The following RBPJ variants were observed in gnomAD, a reference collection of about 807,000 sequenced individuals.
The protein encoded by RBPJ is recombining binding protein suppressor of hairless.
In RBPJ, 9 loss-of-function variants were observed where a neutral mutation model predicts 67.8. The ratio of observed to expected loss-of-function variants is 0.13; its 90% CI spans 0.08 to 0.23. The LOEUF (loss-of-function observed/expected upper bound fraction) is 0.23. Among genes scored for constraint, RBPJ ranks in the 10% least tolerant of loss-of-function variants. The pLI is 1.00. For synonymous variants in RBPJ, 198 were observed against 203.3 expected (o/e 0.97, Z 0.22); for missense variants, 305 against 595.6 (o/e 0.51, Z 5.08).
chr4:26,382,251 A>G (rs188028266), intron 1 of RBPJ, among the ~76,000 whole-genome samples: 2 of 152,360 alleles, frequency 1.3e-5, no homozygotes, highest in Non-Finnish European at 1.5e-5. Context: ...GAGAGACAGT[A>G]TAATCAGTTA....
At chr4:26,198,160 C>T (rs899114459) in intron 1 of RBPJ, among the ~76,000 whole-genome samples, 7 of 151,876 alleles carry the variant, frequency 4.6e-5, no homozygotes, top group Admixed American at 2.6e-4. Flanking sequence ...AGGCTGAGGC[C>T]GGAGAATTGC....
intron 1 of RBPJ, among the ~76,000 whole-genome samples, chr4:26,175,734 A>G (rs6847390): frequency 0.24 from 36,833 of 152,172 alleles, 5,392 homozygotes; most frequent in African/African-American, 0.41. Flanking sequence ...CACACACCAA[A>G]GGACACTATT....
At chr4:26,355,920 T>A (rs1166590803) in intron 1 of RBPJ, among the ~76,000 whole-genome samples, 2 of 152,224 alleles carry the variant, frequency 1.3e-5, no homozygotes, top group African/African-American at 4.8e-5. Context: ...GGATTTCTTC[T>A]TCCACCTCTC....
chr4:26,421,923 A>G (rs2109809913), intron 5 of RBPJ, among the ~76,000 whole-genome samples: 1 of 152,254 alleles, frequency 6.6e-6, no homozygotes, highest in East Asian at 1.9e-4. Flanking sequence ...TTTGTTTTAC[A>G]GTGGTTTGTT....
chr4:26,212,894 C>T (rs1718479510), intron 1 of RBPJ, among the ~76,000 whole-genome samples: 1 of 152,064 alleles, frequency 6.6e-6, no homozygotes, highest in Non-Finnish European at 1.5e-5. Flanking sequence ...GGTATGGGAG[C>T]TTCTGGACAG....
intron 1 of RBPJ, among the ~76,000 whole-genome samples, chr4:26,277,018 C>T (rs10010137): frequency 5.9e-4 from 89 of 151,812 alleles, no homozygotes; most frequent in African/African-American, 2.1e-3. Context: ...GAATCACGCT[C>T]GCCTATAATC....
At chr4:26,237,823 T>C (rs2109213945) in intron 1 of RBPJ, among the ~76,000 whole-genome samples, 1 of 152,322 alleles carries the variant, frequency 6.6e-6, no homozygotes, top group East Asian at 1.9e-4. Flanking sequence ...ACTTGCAGCT[T>C]GACACTTTGA....
At chr4:26,427,621 C>T (rs1310205263) in intron 7 of RBPJ, among the ~76,000 whole-genome samples, 1 of 152,056 alleles carries the variant, frequency 6.6e-6, no homozygotes. Context: ...CAGAAAAGTG[C>T]CGTGAGATGC....
At position 26,356,731 on chromosome 4, in the gene RBPJ, G is replaced by A. The variant is rs1322775927; in HGVS notation, c.21-29622G>A. Among the ~76,000 whole-genome samples, 3 of 152,140 alleles carry A rather than the reference G, an allele frequency of 2.0e-5. No individual in the cohort carries two copies. In the East Asian group the frequency reaches 5.8e-4, roughly 29 times the overall value. The stretch of plus-strand genomic sequence containing the variant: ...GTTCCCATTTGGTGCCCAACTAGAT[G>A]TTTTTCTCTTTTAGAAACAACACTG... On this transcript the variant is annotated intron_variant, in intron 1 of 10. Transcript: ENST00000355476.
chr4:26,339,972 C>G (rs1343876991), intron 1 of RBPJ, among the ~76,000 whole-genome samples: 1 of 151,032 alleles, frequency 6.6e-6, no homozygotes, highest in Non-Finnish European at 1.5e-5. Context: ...TGAGGTGAGA[C>G]CACGCCATTG....
intron 3 of RBPJ, among the ~76,000 whole-genome samples, chr4:26,410,867 A>G (rs1216871353): frequency 6.6e-6 from 1 of 152,238 alleles, no homozygotes; most frequent in African/African-American, 2.4e-5. Flanking sequence ...AAAGGAGTAA[A>G]ATTTTAAATG....
chr4:26,363,865 A>G (rs1261302468), intron 1 of RBPJ, among the ~76,000 whole-genome samples: 1 of 152,224 alleles, frequency 6.6e-6, no homozygotes, highest in African/African-American at 2.4e-5. Flanking sequence ...TAGTAATTCT[A>G]GTCTTCGTAA....
At chr4:26,163,848 A>G (rs1389803975) in intron 1 of RBPJ, among the ~76,000 whole-genome samples, 2 of 152,238 alleles carry the variant, frequency 1.3e-5, no homozygotes, top group Non-Finnish European at 2.9e-5. Context: ...CCTAGGCTGC[A>G]AAAGATAAGC....
At position 26,430,147 on chromosome 4, in the gene RBPJ, TC is replaced by T; in HGVS notation, c.1044+95del. On this transcript the variant is annotated intron_variant, in intron 9 of 10. Transcript: ENST00000355476. The surrounding 1 kb of genome is among the most constrained non-coding windows in gnomAD (Gnocchi z 4.1). ...TTCATTTCATGGGAGTTTTGATTTT[TC>T]TCCAATCGTCTGATTAGGGGATTTT... 7.2e-7 allele frequency: 1 copy of T among 1,390,436 alleles called. No homozygotes were observed. The highest frequency in any genetic ancestry group is 1.0e-6 in the Non-Finnish European group (1 of 984,022). The allele number at this position is 1,390,436 out of a possible 1,614,324, so 86.1% of individuals were successfully genotyped here.
chr4:26,270,875 C>G (rs1023140704), intron 1 of RBPJ, among the ~76,000 whole-genome samples: 2 of 152,036 alleles, frequency 1.3e-5, no homozygotes, highest in Admixed American at 1.3e-4. Context: ...CGCCTCCCCC[C>G]CACCCTTATC....
At chr4:26,110,128 G>A in the RBPJ span, among the ~76,000 whole-genome samples, 16,262 of 152,162 alleles carry the variant, frequency 0.11, 1,149 homozygotes, top group Non-Finnish European at 0.15. The surrounding 1 kb of genome is among the most constrained non-coding windows in gnomAD (Gnocchi z 4.5). Context: ...TACCCCTACC[G>A]TAGGCAAGGG....
intron 1 of RBPJ, among the ~76,000 whole-genome samples, chr4:26,210,795 CTT>C (rs1256488129): frequency 2.1e-5 from 3 of 140,598 alleles, no homozygotes; most frequent in South Asian, 2.3e-4. Context: ...TTCTTTCTTT[CTT>C]TCTTTCTTTC....
chr4:26,345,281 C>T (rs981630315), intron 1 of RBPJ, among the ~76,000 whole-genome samples: 1 of 152,184 alleles, frequency 6.6e-6, no homozygotes, highest in African/African-American at 2.4e-5. Flanking sequence ...TAACATTTAA[C>T]TTTAATTTCT....
chr4:26,359,753 C>G (rs1224015549), intron 1 of RBPJ: 1 of 152,266 alleles, frequency 6.6e-6, no homozygotes, highest in Admixed American at 6.5e-5. Flanking sequence ...GCGAAGCGAG[C>G]TGGAGCTGAC....
Sources: allele counts gnomAD v4.1 joint callset (sites outside exome capture counted in the v4.1 genomes callset), GRCh38; gene constraint gnomAD v4.1.1; non-coding constraint Gnocchi (gnomAD v3.1); transcripts MANE v1.5; gene names NCBI Gene and HGNC (gene_info 2026-07-23, HGNC 2026-07-21).